AGBL1: variants seen among roughly 807,000 people sequenced by gnomAD.
The protein encoded by AGBL1 is AGBL carboxypeptidase 1, also known as cytosolic carboxypeptidase 4.
A neutral mutation model predicts 118.9 loss-of-function variants in AGBL1; 130 were observed. The ratio of observed to expected loss-of-function variants is 1.09; its 90% CI spans 0.95 to 1.26. AGBL1 has a LOEUF of 1.26. Ranked by LOEUF, AGBL1 falls within the 50% of genes most tolerant of loss-of-function variation. AGBL1 has a pLI of 0.00. For missense variants in AGBL1, 1,584 were observed against 1,298.1 expected (o/e 1.22, Z -3.38); for synonymous variants, 555 against 478.9 (o/e 1.16, Z -2.08).
intron 21 of AGBL1, among the ~76,000 whole-genome samples, chr15:86,627,013 T>TTC (rs1555431627): frequency 6.6e-6 from 1 of 151,578 alleles, no homozygotes; most frequent in Non-Finnish European, 1.5e-5. Context: ...AATTTTTTTT[T>TTC]TTTTTAGATG....
chr15:86,255,566 T>C (rs1253207909), intron 7 of AGBL1, among the ~76,000 whole-genome samples: 1 of 152,192 alleles, frequency 6.6e-6, no homozygotes, highest in African/African-American at 2.4e-5. Context: ...TATTTTATCC[T>C]GAGGTCAGGA....
intron 2 of AGBL1, among the ~76,000 whole-genome samples, chr15:86,143,161 G>C (rs762062539): frequency 4.6e-5 from 7 of 152,130 alleles, no homozygotes; most frequent in Non-Finnish European, 8.8e-5. Flanking sequence ...TCCCTAGATA[G>C]GATGATTGGA....
intron 18 of AGBL1, among the ~76,000 whole-genome samples, chr15:86,412,107 A>G (rs2081628682): frequency 6.6e-6 from 1 of 152,220 alleles, no homozygotes; most frequent in Admixed American, 6.5e-5. Context: ...TTTCATCATC[A>G]TCAAAGCTTG....
intron 1 of AGBL1, among the ~76,000 whole-genome samples, chr15:86,103,768 G>T (rs1010772005): frequency 6.6e-6 from 1 of 152,170 alleles, no homozygotes; most frequent in South Asian, 2.1e-4. Context: ...GCCTTTCCTT[G>T]GTCCTCAGGG....
chr15:86,877,637 A>G (rs9783741), intron 22 of AGBL1, among the ~76,000 whole-genome samples: 86,947 of 151,966 alleles, frequency 0.57, 25,155 homozygotes, highest in Non-Finnish European at 0.59. Context: ...CATCCACTGT[A>G]AGCAGGCTCA....
intron 17 of AGBL1, among the ~76,000 whole-genome samples, chr15:86,325,201 G>A (rs1159000615): frequency 6.6e-6 from 1 of 152,158 alleles, no homozygotes; most frequent in Non-Finnish European, 1.5e-5. Flanking sequence ...TTGTAATAGT[G>A]TGGACAAAAA....
intron 24 of AGBL1, among the ~76,000 whole-genome samples, chr15:87,002,800 A>T: frequency 6.6e-6 from 1 of 152,162 alleles, no homozygotes; most frequent in East Asian, 1.9e-4. Context: ...GGTGTATAAG[A>T]ATGCTTGTGA....
chr15:86,248,008 G>T, intron 7 of AGBL1, 129 bp downstream of exon 7: 1 of 1,235,154 alleles, frequency 8.1e-7, no homozygotes, highest in African/African-American at 1.5e-5. Flanking sequence ...GCTAAGGGCG[G>T]ATGTTCTGGA....
At chr15:86,226,335 G>C (rs1182336363) in intron 6 of AGBL1, among the ~76,000 whole-genome samples, 1 of 152,194 alleles carries the variant, frequency 6.6e-6, no homozygotes, top group Non-Finnish European at 1.5e-5. Context: ...AAGATGCTGA[G>C]AGCAGCCTGG....
intron 22 of AGBL1, among the ~76,000 whole-genome samples, chr15:86,683,308 T>G (rs540975742): frequency 5.9e-5 from 9 of 152,288 alleles, no homozygotes; most frequent in African/African-American, 1.9e-4. Context: ...CTTGATTGTT[T>G]TAATACTATT....
intron 5 of AGBL1, among the ~76,000 whole-genome samples, chr15:86,169,989 GAATCC>G (rs1282394281): frequency 1.3e-5 from 2 of 152,130 alleles, no homozygotes; most frequent in African/African-American, 4.8e-5. Context: ...ACAATGTGTA[GAATCC>G]AAGAAGAAAT....
intron 18 of AGBL1, among the ~76,000 whole-genome samples, chr15:86,401,471 T>G (rs1405871798): frequency 2.0e-5 from 3 of 151,802 alleles, no homozygotes; most frequent in Non-Finnish European, 3.0e-5. Context: ...GGTCTCTTTT[T>G]TTGTTGTTGT....
At chr15:86,460,318 CAAAAAAAAA>C (rs1168019827) in intron 18 of AGBL1, among the ~76,000 whole-genome samples, 135 of 36,606 alleles carry the variant, frequency 3.7e-3, no homozygotes, top group African/African-American at 0.012. Context: ...CCTATCTCTA[CAAAAAAAAA>C]AAAAAAAAAA....
At chr15:86,100,153 T>A (rs1896625739) in intron 1 of AGBL1, among the ~76,000 whole-genome samples, 1 of 152,220 alleles carries the variant, frequency 6.6e-6, no homozygotes, top group Non-Finnish European at 1.5e-5. Flanking sequence ...GAATTGTGTA[T>A]GTTGAACCAT....
intron 20 of AGBL1, among the ~76,000 whole-genome samples, chr15:86,550,720 G>T (rs574361730): frequency 6.6e-6 from 1 of 152,072 alleles, no homozygotes; most frequent in Admixed American, 6.6e-5. Flanking sequence ...AAGAAAATTA[G>T]TATGGAGAAC....
At chr15:86,893,185 G>T (rs567556907) in intron 22 of AGBL1, among the ~76,000 whole-genome samples, 1 of 152,260 alleles carries the variant, frequency 6.6e-6, no homozygotes, top group African/African-American at 2.4e-5. Flanking sequence ...TTTTCAGGAG[G>T]GAGATGGGTG....
At chr15:86,684,512 G>A (rs1291815989) in intron 22 of AGBL1, among the ~76,000 whole-genome samples, 1 of 150,502 alleles carries the variant, frequency 6.6e-6, no homozygotes, top group Non-Finnish European at 1.5e-5. Context: ...TTTGAGACAG[G>A]ATCTCACTAT....
At chr15:86,122,265 C>G (rs1417306300) in intron 1 of AGBL1, among the ~76,000 whole-genome samples, 1 of 152,074 alleles carries the variant, frequency 6.6e-6, no homozygotes, top group Non-Finnish European at 1.5e-5. Context: ...CATATGTGAT[C>G]ATGGAAAATA....
intron 17 of AGBL1, among the ~76,000 whole-genome samples, chr15:86,384,951 A>G (rs1032453953): frequency 2.6e-5 from 4 of 152,180 alleles, no homozygotes; most frequent in Non-Finnish European, 5.9e-5. Context: ...GCTCTGTTCC[A>G]TTGGGGTATA....
Sources: gnomAD v4.1 joint callset for allele counts (sites outside exome capture counted in the v4.1 genomes callset) on GRCh38, gnomAD v4.1.1 for gene constraint, MANE v1.5 for transcripts, NCBI Gene and HGNC (gene_info 2026-07-23, HGNC 2026-07-21) for gene names.